The following DAP3 variants were observed in gnomAD, a reference collection of about 807,000 sequenced individuals.
DAP3 encodes the protein small ribosomal subunit protein mS29.
DAP3 carries 28 observed loss-of-function variants against 51.9 expected under a neutral mutation model. The ratio of observed to expected loss-of-function variants is 0.54; its 90% CI spans 0.40 to 0.74. The LOEUF (loss-of-function observed/expected upper bound fraction) is 0.74. Among genes scored for constraint, DAP3 ranks in the 30% least tolerant of loss-of-function variants. The pLI is 0.00. For synonymous variants in DAP3, 170 were observed against 170.3 expected (o/e 1.00, Z 0.01); for missense variants, 458 against 483.5 (o/e 0.95, Z 0.49).
intron 2 of DAP3, chr1:155,710,590 A>G (rs1028682979): frequency 2.0e-5 from 3 of 152,268 alleles, no homozygotes; most frequent in Non-Finnish European, 4.4e-5. Flanking sequence ...CACTAATAAT[A>G]GTTATTATTT....
At position 155,725,978 on chromosome 1, in the gene DAP3, T is replaced by C. The variant is rs756760074; in HGVS notation, c.431T>C (p.Phe144Ser). 7 of 1,614,192 alleles carry C rather than the reference T, an allele frequency of 4.3e-6. No individual in the cohort carries two copies. The highest frequency in any genetic ancestry group is 1.7e-5 in the Admixed American group (1 of 60,008). ...KTLSLCHVIH[F>S]CAKQDWLILH... is the part of the protein sequence containing the mutation. ...CTAAGTCTTTGCCATGTTATTCATTTCTGTGCAAAACAGGACTGGCTGATA... is the reference window on the plus strand; with the variant it reads ...CTAAGTCTTTGCCATGTTATTCATTCCTGTGCAAAACAGGACTGGCTGATA... The change falls in exon 6 of 13, where the codon TTC (phenylalanine) becomes TCC (serine). Residue 144 changes from phenylalanine (F) to serine (S), a missense_variant. By Grantham distance (155) the Phe-to-Ser change is radical (BLOSUM62 -2). Transcript: ENST00000368336.
At chr1:155,725,536 C>G (rs770465048) in intron 5 of DAP3, 46 bp downstream of exon 5, 2 of 1,530,514 alleles carry the variant, frequency 1.3e-6, no homozygotes, top group East Asian at 4.5e-5. Flanking sequence ...AATGCTTTCT[C>G]CCCTCAAATA....
Position 155,729,217 on chromosome 1 carries a change from CG to C in DAP3, c.697del (p.Val233Ter). 1 of 1,614,174 alleles carries C rather than the reference CG, an allele frequency of 6.2e-7. No individual in the cohort carries two copies. The highest frequency in any genetic ancestry group is 8.5e-7 in the Non-Finnish European group (1 of 1,180,036). On this transcript the variant is annotated frameshift_variant, in exon 9 of 13. Transcript: ENST00000368336. LOFTEE classifies it high-confidence loss of function. ...LGEVVEQGIT[R>X]VRNATDAVGI... ...CTGTCTCTCCCAATAGGGCATAACA[CG>C]GGTGAGGAACGCCACAGATGCAGTT...
In DAP3 at chr1:155,726,038, T is replaced by A; in HGVS notation, c.472+19T>A. 1 of 1,602,132 alleles carries A rather than the reference T, an allele frequency of 6.2e-7. No individual in the cohort carries two copies. Among genetic ancestry groups the A allele is most frequent in the East Asian group, 2.2e-5 (1 of 44,768 alleles). ...CCAGATGGTAAGAACTTCCTGTTGT[T>A]TCTTCTGTCTGTTAGGTTTAGTTAT... On this transcript the variant is annotated intron_variant, in intron 6 of 12. Transcript: ENST00000368336.
chr1:155,714,634 G>A (rs1263051563), intron 2 of DAP3, among the ~76,000 whole-genome samples: 1 of 151,968 alleles, frequency 6.6e-6, no homozygotes, highest in Admixed American at 6.6e-5. Context: ...GCGTGATGGC[G>A]GGCGCCTGTA....
In DAP3 at chr1:155,717,127, C is replaced by T. The variant is rs201385663; in HGVS notation, c.167C>T (p.Pro56Leu). Residue 56 changes from proline to leucine, a missense_variant and splice_region_variant, in exon 3 of 13, where the codon CCG (proline) becomes CTG (leucine). Transcript: ENST00000368336. ...RAISRTNEND[P>L]AKHGDQHEGQ... is the part of the protein sequence containing the mutation. ...ATTTCCCGCACCAATGAGAATGACC[C>T]GGTGAGTTACTAATATGTATATGGG... 1.2e-5 allele frequency: 20 copies of T among 1,613,660 alleles called. No individual in the cohort carries two copies. The highest frequency in any genetic ancestry group is 2.7e-5 in the African/African-American group (2 of 74,844).
intron 11 of DAP3, among the ~76,000 whole-genome samples, chr1:155,734,299 A>C (rs564416878): frequency 6.6e-6 from 1 of 151,846 alleles, no homozygotes; most frequent in South Asian, 2.1e-4. Flanking sequence ...CCTTGAGCAC[A>C]TGCCACCACA....
intron 1 of DAP3, among the ~76,000 whole-genome samples, chr1:155,708,593 G>A (rs765889863): frequency 5.9e-5 from 8 of 134,742 alleles, no homozygotes; most frequent in South Asian, 2.3e-4. Flanking sequence ...CTGGGCTAGC[G>A]TACAGTGGTG....
Position 155,738,451 on chromosome 1 carries a change from A to G in DAP3, c.*209A>G, listed in dbSNP as rs898068611. 1.5e-4 allele frequency: 68 copies of G among 442,892 alleles called. No homozygotes were observed. Among genetic ancestry groups the G allele is most frequent in the African/African-American group, 2.0e-5 (1 of 50,212 alleles). The allele number at this position is 442,892 out of a possible 1,614,324, so 27.4% of individuals were successfully genotyped here. ...GATATTCCCTTGTTCCTAAAACTTT[A>G]TATCAGTTTATTGGATGTGGTTTTT... is the stretch of plus-strand genomic sequence containing the variant. On this transcript the variant is annotated 3_prime_UTR_variant, in exon 13 of 13. Coordinates refer to ENST00000368336, the MANE Select transcript of DAP3 (RefSeq NM_004632.4).
intron 11 of DAP3, among the ~76,000 whole-genome samples, chr1:155,734,945 G>T (rs574348695): frequency 6.6e-6 from 1 of 152,108 alleles, no homozygotes; most frequent in African/African-American, 2.4e-5. Context: ...CTCAATACTA[G>T]AATATATGAA....
At chr1:155,712,612 C>CAA (rs61338392) in intron 2 of DAP3, among the ~76,000 whole-genome samples, 1,014 of 54,014 alleles carry the variant, frequency 0.019, 35 homozygotes, top group East Asian at 0.13. Flanking sequence ...AACTCCGTCT[C>CAA]AAAAAAAAAA....
At chr1:155,688,380 G>A (rs1236850819), upstream of DAP3, 1 of 1,544,406 alleles carries the variant, frequency 6.5e-7, no homozygotes, top group East Asian at 2.4e-5. Context: ...AGGGAGCTAA[G>A]GGCGCCTAGC....
rs551282564 is a variant in DAP3 at position 155,706,692 on chromosome 1, G to A, written c.-7-3081G>A. 1.4e-4 allele frequency among the ~76,000 whole-genome samples: 21 copies of A among 152,058 alleles called. 1 individual carries two copies. The highest frequency in any genetic ancestry group is 4.1e-4 in the African/African-American group (17 of 41,486). ...TGAGGCAGGAGAATCGCTTGAGCCC[G>A]GGGAGGCAAGGTTCCAGTGAACTCC... On this transcript the variant is annotated intron_variant, in intron 1 of 12. Coordinates refer to ENST00000368336, the MANE Select transcript of DAP3 (RefSeq NM_004632.4).
intron 3 of DAP3, 100 bp from the exon 4 acceptor site, chr1:155,721,417 T>TAC (rs1166846679): frequency 1.1e-5 from 7 of 615,110 alleles, no homozygotes; most frequent in Non-Finnish European, 1.4e-5. Context: ...TATATATATA[T>TAC]ACACATAGAC....
intron 1 of DAP3, among the ~76,000 whole-genome samples, chr1:155,705,307 A>G (rs1655812454): frequency 6.6e-6 from 1 of 151,498 alleles, no homozygotes; most frequent in African/African-American, 2.4e-5. Flanking sequence ...CAAATGTGAT[A>G]AAGTTGAAGC....
intron 2 of DAP3, among the ~76,000 whole-genome samples, chr1:155,712,576 C>A (rs1346715856): frequency 7.3e-6 from 1 of 136,592 alleles, no homozygotes; most frequent in African/African-American, 2.8e-5. Context: ...CACACCATTG[C>A]ACTCCAGCCT....
chr1:155,698,860 C>T (rs959972500), intron 1 of DAP3, among the ~76,000 whole-genome samples: 3 of 152,222 alleles, frequency 2.0e-5, no homozygotes, highest in South Asian at 4.1e-4. Context: ...GTGCCCCGCT[C>T]ACCTGCGGAG....
chr1:155,709,745 C>G (rs374129610), intron 1 of DAP3, 28 bp from the exon 2 acceptor site: 6 of 1,582,190 alleles, frequency 3.8e-6, no homozygotes, highest in African/African-American at 1.4e-5. Context: ...TGTGGTTTAC[C>G]TTTTCACTTT....
At chr1:155,720,898 G>A (rs760096255) in intron 3 of DAP3, among the ~76,000 whole-genome samples, 3 of 151,948 alleles carry the variant, frequency 2.0e-5, no homozygotes, top group Admixed American at 1.3e-4. Flanking sequence ...TTAGCTGGGC[G>A]TGGTGGCGCG....
Sources: allele counts gnomAD v4.1 joint callset (sites outside exome capture counted in the v4.1 genomes callset), GRCh38; gene constraint gnomAD v4.1.1; transcripts MANE v1.5; gene names NCBI Gene and HGNC (gene_info 2026-07-23, HGNC 2026-07-21).